The following PHACTR1 variants were observed in gnomAD, a reference collection of about 807,000 sequenced individuals.
PHACTR1 encodes phosphatase and actin regulator 1.
PHACTR1 carries 16 observed loss-of-function variants against 69.2 expected under a neutral mutation model. The ratio of observed to expected loss-of-function variants is 0.23; its 90% CI spans 0.16 to 0.35. PHACTR1 has a LOEUF of 0.35. PHACTR1 is among the 10% of genes least tolerant of loss of function. The pLI is 1.00. For missense variants in PHACTR1, 510 were observed against 734.7 expected, an observed-to-expected ratio of 0.69 and a Z score of 3.54; for synonymous variants, 312 against 284.5, an observed-to-expected ratio of 1.10 and a Z score of -0.97.
At chr6:12,955,427 A>G (rs960872718) in intron 4 of PHACTR1, among the ~76,000 whole-genome samples, 1 of 151,566 alleles carries the variant, frequency 6.6e-6, no homozygotes, top group Non-Finnish European at 1.5e-5. Context: ...CTGGTCTCAA[A>G]CTCCTATTCT....
intron 7 of PHACTR1, among the ~76,000 whole-genome samples, chr6:13,190,246 G>A (rs1763382693): frequency 7.8e-6 from 1 of 127,742 alleles, no homozygotes; most frequent in Non-Finnish European, 1.6e-5. Flanking sequence ...TATTGGCCAG[G>A]CTGGTCTCGA....
intron 4 of PHACTR1, among the ~76,000 whole-genome samples, chr6:12,803,872 G>T (rs1773989339): frequency 6.6e-6 from 1 of 152,162 alleles, no homozygotes; most frequent in Admixed American, 6.5e-5. Context: ...GGGAGACAAA[G>T]TTGCCCCTCA....
intron 4 of PHACTR1, among the ~76,000 whole-genome samples, chr6:12,921,758 A>AGGAAGGGAGAGAAACAGGGAGGGAG (rs1562013802): frequency 2.2e-5 from 1 of 46,094 alleles, no homozygotes; most frequent in African/African-American, 1.2e-4. Context: ...AAAGGAAGGA[A>AGGAAGGGAGAGAAACAGGGAGGGAG]GGAAGAAGGA....
intron 4 of PHACTR1, among the ~76,000 whole-genome samples, chr6:12,751,049 A>G (rs1043419159): frequency 5.9e-5 from 9 of 152,330 alleles, no homozygotes; most frequent in Middle Eastern, 3.4e-3. Context: ...CCTTCAGATG[A>G]TGGGTATTTA....
chr6:13,130,671 T>C (rs1284684953), intron 5 of PHACTR1, among the ~76,000 whole-genome samples: 1 of 151,894 alleles, frequency 6.6e-6, no homozygotes, highest in East Asian at 1.9e-4. Context: ...AATTTAAAAA[T>C]TGCCAATAAA....
At chr6:12,803,621 T>C (rs1160258441) in intron 4 of PHACTR1, among the ~76,000 whole-genome samples, 9 of 152,160 alleles carry the variant, frequency 5.9e-5, no homozygotes, top group Non-Finnish European at 1.5e-5. Flanking sequence ...GCCACACATA[T>C]CAGGAATGCA....
At chr6:12,986,105 G>A (rs1276893787) in intron 4 of PHACTR1, among the ~76,000 whole-genome samples, 1 of 152,050 alleles carries the variant, frequency 6.6e-6, no homozygotes, top group African/African-American at 2.4e-5. Flanking sequence ...CAAAGTGCTG[G>A]GATTACAGTC....
At chr6:13,247,255 C>G (rs1005469238) in intron 10 of PHACTR1, among the ~76,000 whole-genome samples, 2 of 151,928 alleles carry the variant, frequency 1.3e-5, no homozygotes, top group African/African-American at 4.8e-5. Context: ...CCTGTAAATC[C>G]AACCGTCCTT....
chr6:13,088,683 G>A (rs79930116), intron 5 of PHACTR1, among the ~76,000 whole-genome samples: 275 of 152,214 alleles, frequency 1.8e-3, no homozygotes, highest in Non-Finnish European at 2.9e-3. Context: ...TGTATAAGAT[G>A]TTCCTTTCTC....
At chr6:12,933,698 C>A (rs1307270074) in intron 4 of PHACTR1, 1 of 1,612,816 alleles carries the variant, frequency 6.2e-7, no homozygotes. Flanking sequence ...TCTTGGGCGT[C>A]CTCTTGGGCT....
intron 4 of PHACTR1, among the ~76,000 whole-genome samples, chr6:13,010,632 A>C (rs1799342137): frequency 1.3e-5 from 2 of 152,104 alleles, no homozygotes; most frequent in South Asian, 4.1e-4. Flanking sequence ...GCTCTCAGGC[A>C]CCTGGGATCT....
At chr6:12,873,672 C>T (rs568254034) in intron 4 of PHACTR1, among the ~76,000 whole-genome samples, 35 of 152,088 alleles carry the variant, frequency 2.3e-4, no homozygotes, top group Non-Finnish European at 4.6e-4. Flanking sequence ...TGTGAATTCC[C>T]CAGACAATGA....
At chr6:12,880,377 T>C (rs1227620538) in intron 4 of PHACTR1, among the ~76,000 whole-genome samples, 1 of 152,104 alleles carries the variant, frequency 6.6e-6, no homozygotes, top group Non-Finnish European at 1.5e-5. Context: ...ACAGGACCTT[T>C]GTGTCCCTGT....
chr6:13,230,289 T>A, intron 10 of PHACTR1, 96 bp downstream of exon 10: 1 of 1,539,752 alleles, frequency 6.5e-7, no homozygotes. Flanking sequence ...CAGTAGCTTA[T>A]GCCTGTAATC....
At chr6:12,921,282 C>T (rs182245228) in intron 4 of PHACTR1, among the ~76,000 whole-genome samples, 1 of 152,168 alleles carries the variant, frequency 6.6e-6, no homozygotes, top group Admixed American at 6.5e-5. Context: ...GGAACCAGCA[C>T]AGGCATTCAC....
At chr6:12,758,453 G>A (rs543980717) in intron 4 of PHACTR1, among the ~76,000 whole-genome samples, 4 of 136,314 alleles carry the variant, frequency 2.9e-5, no homozygotes, top group Non-Finnish European at 4.6e-5. Context: ...GTGAAAGAGC[G>A]AGACTCTCTT....
chr6:12,844,480 A>G (rs2184027), intron 4 of PHACTR1, among the ~76,000 whole-genome samples: 28,673 of 152,036 alleles, frequency 0.19, 2,907 homozygotes, highest in African/African-American at 0.26. Flanking sequence ...GAGAAAATAT[A>G]GGTTAAGGCA....
chr6:12,785,388 G>T (rs148806824), intron 4 of PHACTR1, among the ~76,000 whole-genome samples: 1 of 152,164 alleles, frequency 6.6e-6, no homozygotes, highest in Non-Finnish European at 1.5e-5. Flanking sequence ...TGACACATAC[G>T]GATAGGCAGA....
chr6:12,794,626 A>G (rs969455788), intron 4 of PHACTR1, among the ~76,000 whole-genome samples: 1 of 152,250 alleles, frequency 6.6e-6, no homozygotes, highest in African/African-American at 2.4e-5. Context: ...CATCGGCATA[A>G]AAACTTCAAG....
Sources: allele counts gnomAD v4.1 joint callset (sites outside exome capture counted in the v4.1 genomes callset), GRCh38; gene constraint gnomAD v4.1.1; transcripts MANE v1.5; gene names NCBI Gene and HGNC (gene_info 2026-07-23, HGNC 2026-07-21).